STAT6: variants seen among roughly 807,000 people sequenced by gnomAD.
STAT6 encodes the protein signal transducer and activator of transcription 6, also known as STAT, interleukin4-induced.
In STAT6, 45 loss-of-function variants were observed where a neutral mutation model predicts 106.3. The observed-to-expected ratio is 0.42, with a 90% CI of 0.33 to 0.54. STAT6 has a LOEUF of 0.54. Ranked by LOEUF, STAT6 falls within the 20% of genes least tolerant of loss-of-function variation. The pLI is 0.06. For synonymous variants in STAT6, 413 were observed against 413.6 expected (o/e 1.00, Z 0.02); for missense variants, 797 against 1,062.2 (o/e 0.75, Z 3.47).
rs1287521214 is a variant in STAT6 at position 57,106,206 on chromosome 12, G to A, written c.665C>T (p.Ala222Val). The change falls in exon 7 of 22, where the codon GCC (alanine) becomes GTC (valine). Residue 222 changes from alanine to valine, a missense_variant. By Grantham distance (64) the Ala-to-Val change is moderately conservative. Transcript: ENST00000300134. Reference sequence around the variant, plus strand: ...CTAGCCCAACCTCTCCTGGAGTGGGGCCAGGCTCTCCTCAAACGGTGCGCC... The same window carrying A: ...CTAGCCCAACCTCTCCTGGAGTGGGACCAGGCTCTCCTCAAACGGTGCGCC... ...GNGAPFEESL[A>V]PLQERCESLV... 6.2e-7 allele frequency: 1 copy of A among 1,613,990 alleles called. No homozygotes were observed. Among genetic ancestry groups the A allele is most frequent in the Non-Finnish European group, 8.5e-7 (1 of 1,180,028 alleles).
intron 13 of STAT6, 97 bp downstream of exon 13, chr12:57,102,193 A>G (rs986326669): frequency 3.2e-5 from 43 of 1,341,268 alleles, no homozygotes; most frequent in Non-Finnish European, 4.2e-5. Context: ...ACTGTGGAGA[A>G]TCCAGTGGAA....
In STAT6 at chr12:57,097,073, G is replaced by T. The variant is rs761463709; in HGVS notation, c.2220C>A (p.His740Gln). 1.3e-5 allele frequency: 20 copies of T among 1,547,536 alleles called. No individual in the cohort carries two copies. Among genetic ancestry groups the T allele is most frequent in the Middle Eastern group, 1.7e-4 (1 of 5,768 alleles). The change falls in exon 20 of 22, where the codon CAC (histidine) becomes CAA (glutamine). Residue 740 changes from histidine to glutamine, a missense_variant. Physicochemically the swap from His to Gln is conservative, Grantham distance 24 (BLOSUM62 0). Around this residue, in one of 4 missense-constraint regions of STAT6, gnomAD observed 226 missense variants for 236.7 expected, o/e 0.95. Coordinates refer to ENST00000300134, the MANE Select transcript of STAT6 (RefSeq NM_003153.5). ...GQMSLPFDQP[H>Q]PQGLLPCQPQ... ...GGAGGGGCTTTGTCACTCACTGGGGGTGAGGCTGGTCAAAGGGCAGGCTCA... is the reference window on the plus strand; with the variant it reads ...GGAGGGGCTTTGTCACTCACTGGGGTTGAGGCTGGTCAAAGGGCAGGCTCA...
Position 57,106,793 on chromosome 12 carries a change from T to C in STAT6, c.378A>G (p.Glu126=). The change falls in exon 5 of 22, where the codon GAA becomes GAG. Residue 126 remains glutamate, a synonymous_variant. Coordinates refer to ENST00000300134, the MANE Select transcript of STAT6 (RefSeq NM_003153.5). ...HLPMPFHWKQ[E]ELKFKTGLRR... The stretch of plus-strand genomic sequence containing the variant: ...GCAAGCCTGTCTTAAACTTGAGTTC[T>C]TCCTGCTTCCAGTGGAAAGGCATTG... The C allele has an allele frequency of 6.2e-7, 1 of 1,614,154 alleles. No homozygotes were observed. The highest frequency in any genetic ancestry group is 2.2e-5 in the East Asian group (1 of 44,876).
intron 13 of STAT6, among the ~76,000 whole-genome samples, chr12:57,101,951 G>A (rs1330959512): frequency 1.3e-5 from 2 of 152,154 alleles, no homozygotes; most frequent in African/African-American, 2.4e-5. Context: ...GGCATGAGCC[G>A]CTGTGCCCGG....
In STAT6 at chr12:57,105,512, C is replaced by T. The variant is rs559027154; in HGVS notation, c.768G>A (p.Ser256=). The T allele has an allele frequency of 2.8e-5, 45 of 1,614,062 alleles. No homozygotes were observed. In the Admixed American group the frequency reaches 5.5e-4, roughly 20 times the overall value. ...GGELEPKTRA[S]LTGRLDEVLR... is the part of the protein sequence containing the mutation. ...GGACTTCATCCAGCCGGCCAGTCAGCGATGCCCGGGTCTTGGGCTCAAGCT... is the reference window on the plus strand; with the variant it reads ...GGACTTCATCCAGCCGGCCAGTCAGTGATGCCCGGGTCTTGGGCTCAAGCT... The change falls in exon 8 of 22, where the codon TCG becomes TCA. Residue 256 remains serine, a synonymous_variant. Coordinates refer to ENST00000300134, the MANE Select transcript of STAT6 (RefSeq NM_003153.5).
chr12:57,101,553 G>A (rs1476310246), intron 13 of STAT6, among the ~76,000 whole-genome samples: 1 of 151,476 alleles, frequency 6.6e-6, no homozygotes, highest in Non-Finnish European at 1.5e-5. Context: ...TAGTAGAGAC[G>A]GGGTTTTGCC....
intron 8 of STAT6, 58 bp from the exon 9 acceptor site, chr12:57,105,397 C>T: frequency 6.2e-7 from 1 of 1,608,708 alleles, no homozygotes; most frequent in South Asian, 1.1e-5. Flanking sequence ...GGTGCCCTCC[C>T]CACAGCTCTA....
At chr12:57,100,638 G>GAAAGAAAGAA (rs1352178294) in intron 13 of STAT6, among the ~76,000 whole-genome samples, 3 of 100,138 alleles carry the variant, frequency 3.0e-5, no homozygotes, top group Admixed American at 1.1e-4. Context: ...GAAAGAGAAA[G>GAAAGAAAGAA]AGAAAGAAAG....
intron 1 of STAT6, among the ~76,000 whole-genome samples, chr12:57,108,780 G>A (rs1242009411): frequency 6.6e-6 from 1 of 152,220 alleles, no homozygotes; most frequent in Non-Finnish European, 1.5e-5. Flanking sequence ...AAGATGCCCT[G>A]TTGAAAGCAA....
rs757156217 is a variant in STAT6, at chr12:57,099,476, C to T, written c.1745-36G>A. 33 of 1,613,406 alleles carry T rather than the reference C, an allele frequency of 2.0e-5. No individual in the cohort carries two copies. The highest frequency in any genetic ancestry group is 3.3e-4 in the Middle Eastern group (2 of 6,060). On this transcript the variant is annotated intron_variant, in intron 15 of 21. Coordinates refer to ENST00000300134, the MANE Select transcript of STAT6 (RefSeq NM_003153.5). This position sits in a 1 kb window ranked among gnomAD's most constrained non-coding sequence, Gnocchi z 4.7. Reference sequence around the variant, plus strand: ...AAGGAGACCCTGAGATCCCTCTGTCCGGACTTTCTTCCCCTTCCCCAACCC... The same window carrying T: ...AAGGAGACCCTGAGATCCCTCTGTCTGGACTTTCTTCCCCTTCCCCAACCC...
chr12:57,107,095 C>T (rs2034325719), intron 4 of STAT6, 136 bp downstream of exon 4: 2 of 1,061,780 alleles, frequency 1.9e-6, no homozygotes, highest in African/African-American at 3.2e-5. Flanking sequence ...CACTCTGACC[C>T]TAGGAACCTC....
chr12:57,105,728 G>A, intron 7 of STAT6, 129 bp from the exon 8 acceptor site: 2 of 1,400,688 alleles, frequency 1.4e-6, no homozygotes, highest in Admixed American at 2.6e-5. Context: ...GGGTGTGGCT[G>A]CAAGGCACCT....
rs369234436 is a variant in STAT6 at position 57,096,937 on chromosome 12, C to G, written c.2267G>C (p.Ser756Thr). ...PCQPQEHAVS[S>T]PDPLLCSDVT... is the part of the protein sequence containing the mutation. Reference sequence around the variant, plus strand: ...ATCTGAGCAGAGCAGGGGGTCAGGGCTGGACACAGCATGCTCCTGAGGCTG... The same window carrying G: ...ATCTGAGCAGAGCAGGGGGTCAGGGGTGGACACAGCATGCTCCTGAGGCTG... Residue 756 changes from serine (S) to threonine (T), a missense_variant, in exon 21 of 22, where the codon AGC (serine) becomes ACC (threonine). Physicochemically the swap from Ser to Thr is moderately conservative, Grantham distance 58 (BLOSUM62 1). Transcript: ENST00000300134. 3.4e-5 allele frequency: 55 copies of G among 1,614,130 alleles called. No homozygotes were observed. The African/African-American group carries it at 7.1e-4, about 21-fold the overall frequency.
chr12:57,107,878 C>A, intron 2 of STAT6, 135 bp from the exon 3 acceptor site: 2 of 1,280,892 alleles, frequency 1.6e-6, no homozygotes, highest in African/African-American at 1.5e-5. Flanking sequence ...TAGCTTTCAC[C>A]CATGCGCCTT....
At chr12:57,100,668 GAA>G (rs1426664976) in intron 13 of STAT6, among the ~76,000 whole-genome samples, 8 of 39,416 alleles carry the variant, frequency 2.0e-4, no homozygotes, top group East Asian at 4.2e-4. Context: ...AAGAAAGAAA[GAA>G]AGAAAGAAAG....
chr12:57,105,209 T>C lies in STAT6; in HGVS notation c.943A>G (p.Met315Val). ...PAKPPLVRAD[M>V]VTEKQARELS... is the part of the protein sequence containing the mutation. ...TCCCGCGCCTGCTTCTCTGTCACCA[T>C]GTCGGCCCTGACCAGCGGAGGCTTG... Residue 315 changes from methionine (M) to valine (V), a missense_variant, in exon 9 of 22, where the codon ATG (methionine) becomes GTG (valine). Met to Val is a conservative substitution (Grantham distance 21). Transcript: ENST00000300134. 1.9e-6 allele frequency: 3 copies of C among 1,614,052 alleles called. No individual in the cohort carries two copies. The highest frequency in any genetic ancestry group is 2.5e-6 in the Non-Finnish European group (3 of 1,179,972).
rs1283515411 is a variant in STAT6 at position 57,106,431 on chromosome 12, C to T, written c.532-92G>A. The T allele has an allele frequency of 8.7e-6, 14 of 1,607,038 alleles. No individual in the cohort carries two copies. In the Admixed American group the frequency reaches 1.0e-4, roughly 12 times the overall value. On this transcript the variant is annotated intron_variant, in intron 6 of 21. Coordinates refer to ENST00000300134, the MANE Select transcript of STAT6 (RefSeq NM_003153.5). ...CTCTTTTTCTCACTCCTCTGGCATT[C>T]CCTTGCCCTACTTCAGCCTGTGTCT... is the stretch of plus-strand genomic sequence containing the variant.
At chr12:57,098,703 A>T (rs147007768) in intron 18 of STAT6, 89 bp downstream of exon 18, 3 of 1,554,116 alleles carry the variant, frequency 1.9e-6, no homozygotes, top group Non-Finnish European at 1.8e-6. Context: ...TTCCCTGTTC[A>T]GCCCCCAGTG....
At position 57,106,342 on chromosome 12, in the gene STAT6, A is replaced by G; in HGVS notation, c.532-3T>C. ...TCCTGCAGTAGCATGGCCAGGGCCT[A>G]TGGGCAGAGAGGGGCCTGAGCCAGG... On this transcript the variant is annotated splice_region_variant and splice_polypyrimidine_tract_variant and intron_variant, in intron 6 of 21. Transcript: ENST00000300134. The G allele has an allele frequency of 2.5e-6, 4 of 1,614,134 alleles. No individual in the cohort carries two copies. Among genetic ancestry groups the G allele is most frequent in the South Asian group, 2.2e-5 (2 of 91,084 alleles).
Sources: gnomAD v4.1 joint callset for allele counts (sites outside exome capture counted in the v4.1 genomes callset) on GRCh38, gnomAD v4.1.1 for gene constraint, gnomAD v4.1.1 regional missense constraint, Gnocchi (gnomAD v3.1) non-coding constraint, MANE v1.5 for transcripts, NCBI Gene and HGNC (gene_info 2026-07-23, HGNC 2026-07-21) for gene names.